The following DMBT1 variants were observed in gnomAD, a reference collection of about 807,000 sequenced individuals.
DMBT1 encodes deleted in malignant brain tumors 1.
In DMBT1, 198 loss-of-function variants were observed where a neutral mutation model predicts 252.9. The ratio of observed to expected loss-of-function variants is 0.78; its 90% CI spans 0.70 to 0.88. DMBT1 has a LOEUF of 0.88. Among genes scored for constraint, DMBT1 ranks in the 40% least tolerant of loss-of-function variants. The pLI is 0.00. For synonymous variants in DMBT1, 990 were observed against 942.7 expected (o/e 1.05, Z -0.92); for missense variants, 2,432 against 2,404.7 (o/e 1.01, Z -0.24).
In DMBT1 at chr10:122,620,125, A is replaced by G. The variant is rs2098048692; in HGVS notation, c.5246-128A>G. 3.2e-5 allele frequency: 31 copies of G among 958,036 alleles called. No homozygotes were observed. In the South Asian group the frequency reaches 3.8e-4, roughly 12 times the overall value. 59.3% of individuals were successfully genotyped at this position (958,036 alleles called of 1,614,324 possible). A position where few individuals can be genotyped will look rare whatever the true frequency, so the allele number is the denominator to read the frequency against. On this transcript the variant is annotated intron_variant, in intron 42 of 55. Transcript: ENST00000338354. Reference sequence around the variant, plus strand: ...TCACTGAGCTGAAGACTTGGGTAGCACTTGGAGCAAGTGGCAGGAACCAGA... The same window carrying G: ...TCACTGAGCTGAAGACTTGGGTAGCGCTTGGAGCAAGTGGCAGGAACCAGA...
chr10:122,592,538 A>G lies in DMBT1; in HGVS notation c.2443A>G (p.Asn815Asp), dbSNP rs747418479. Residue 815 changes from asparagine to aspartate, a missense_variant, in exon 20 of 56, where the codon AAT becomes GAT. By Grantham distance (23) the Asn-to-Asp change is conservative. Around this residue, in one of 3 missense-constraint regions of DMBT1, gnomAD observed 1,264 missense variants for 1,082.2 expected, o/e 1.17. Transcript: ENST00000338354. ...HESYLWSCPH[N>D]GWLSHNCGHH... ...GTCCTACCTGTGGAGCTGCCCCCAC[A>G]ATGGCTGGCTCTCCCACAACTGTGG... 1.5e-5 allele frequency: 24 copies of G among 1,588,182 alleles called. No homozygotes were observed. In the Admixed American group the frequency reaches 3.7e-4, roughly 24 times the overall value.
chr10:122,561,814 A>G (rs1326065336), intron 1 of DMBT1, among the ~76,000 whole-genome samples: 1 of 147,334 alleles, frequency 6.8e-6, no homozygotes, highest in African/African-American at 2.5e-5. Context: ...TCAGGCAGTT[A>G]TTACCTTTCC....
rs747458876 is a variant in DMBT1, at chr10:122,643,375, C to T, written c.7606C>T (p.Arg2536Cys). ...TCCCATCCAGCTGCAGACCCCCCCA[C>T]GCCGAGAAGAGGAGCCTCGGTAGGT... ...LGPIQLQTPP[R>C]REEEPR The change falls in exon 56 of 56, where the codon CGC becomes TGC. Residue 2536 changes from arginine (R) to cysteine (C), a missense_variant. By Grantham distance (180) the Arg-to-Cys change is radical. Around this residue, in one of 3 missense-constraint regions of DMBT1, gnomAD observed 1,162 missense variants for 1,169.0 expected, o/e 0.99. Coordinates refer to ENST00000338354, the MANE Select transcript of DMBT1 (RefSeq NM_001377530.1). 6 of 1,613,544 alleles carry T rather than the reference C, an allele frequency of 3.7e-6. No individual in the cohort carries two copies. Among genetic ancestry groups the T allele is most frequent in the African/African-American group, 2.7e-5 (2 of 74,888 alleles).
intron 46 of DMBT1, among the ~76,000 whole-genome samples, chr10:122,626,311 A>G (rs1443240318): frequency 6.6e-6 from 1 of 152,202 alleles, no homozygotes; most frequent in Non-Finnish European, 1.5e-5. Context: ...TTAAAAAATA[A>G]TAGGGATACT....
In DMBT1 at chr10:122,619,349, G is replaced by A; in HGVS notation, c.5245+12G>A. ...AACGCCCAGGCCAGGTGAGTCCCCA[G>A]CATCCTTCATCGGGATGTCCCTTCT... On this transcript the variant is annotated intron_variant, in intron 42 of 55. Coordinates refer to ENST00000338354, the MANE Select transcript of DMBT1 (RefSeq NM_001377530.1). 6.2e-7 allele frequency: 1 copy of A among 1,613,928 alleles called. No homozygotes were observed. The highest frequency in any genetic ancestry group is 8.5e-7 in the Non-Finnish European group (1 of 1,179,840).
Position 122,631,406 on chromosome 10 carries a change from C to A in DMBT1, c.6346+125C>A, listed in dbSNP as rs1034316496. 5 of 1,237,836 alleles carry A rather than the reference C, an allele frequency of 4.0e-6. No homozygotes were observed. The South Asian group carries it at 5.7e-5, about 14-fold the overall frequency. The allele number at this position is 1,237,836 out of a possible 1,614,324, so 76.7% of individuals were successfully genotyped here. Reference sequence around the variant, plus strand: ...CTGGTCATTGTGTCCTCGTGGCCTGCGCACTCCAGAAGAGCATGCAGGGGG... The same window carrying A: ...CTGGTCATTGTGTCCTCGTGGCCTGAGCACTCCAGAAGAGCATGCAGGGGG... On this transcript the variant is annotated intron_variant, in intron 49 of 55. Transcript: ENST00000338354.
chr10:122,634,356 C>CTTTCTTTCTTTCTTTCTTTCTTTCTT (rs1566001450), intron 52 of DMBT1, among the ~76,000 whole-genome samples: 4 of 98,418 alleles, frequency 4.1e-5, no homozygotes, highest in East Asian at 2.3e-4. Context: ...TTCTTTCTTT[C>CTTTCTTTCTTTCTTTCTTTCTTTCTT]TTTCTTTCTT....
intron 49 of DMBT1, 149 bp from the exon 50 acceptor site, chr10:122,631,706 G>T (rs540871295): frequency 1.4e-4 from 110 of 759,742 alleles, no homozygotes; most frequent in Admixed American, 9.9e-4. Flanking sequence ...AGCTGGGAAG[G>T]CTTCTCAATA....
rs923271753 is a variant in DMBT1 at position 122,576,669 on chromosome 10, G to T, written c.554G>T (p.Gly185Val). The change falls in exon 7 of 56, where the codon GGC (glycine) becomes GTC (valine). Residue 185 changes from glycine to valine, a missense_variant. By Grantham distance (109) the Gly-to-Val change is moderately radical. Coordinates refer to ENST00000338354, the MANE Select transcript of DMBT1 (RefSeq NM_001377530.1). ...ESYLWSCPHN[G>V]WLSHNCGHGE... is the part of the protein sequence containing the mutation. Reference sequence around the variant, plus strand: ...TACCTGTGGAGCTGCCCCCACAATGGCTGGCTCTCCCATAACTGTGGCCAT... The same window carrying T: ...TACCTGTGGAGCTGCCCCCACAATGTCTGGCTCTCCCATAACTGTGGCCAT... The T allele has an allele frequency of 6.2e-7, 1 of 1,613,788 alleles. No individual in the cohort carries two copies.
rs185181731 is a variant in DMBT1, at chr10:122,580,262, C to A, written c.1003+361C>A. Among the ~76,000 whole-genome samples the A allele has an allele frequency of 4.6e-5, 7 of 152,242 alleles. No individual in the cohort carries two copies. In the East Asian group the frequency reaches 5.8e-4, roughly 13 times the overall value. On this transcript the variant is annotated intron_variant, in intron 10 of 55. Coordinates refer to ENST00000338354, the MANE Select transcript of DMBT1 (RefSeq NM_001377530.1). Reference sequence around the variant, plus strand: ...AGGCAGGGGAGGGATCCCCTCACTGCGAGGAACTCTGAACTAAAGATGCTT... The same window carrying A: ...AGGCAGGGGAGGGATCCCCTCACTGAGAGGAACTCTGAACTAAAGATGCTT...
At position 122,570,179 on chromosome 10, in the gene DMBT1, G is replaced by C. The variant is rs140507609; in HGVS notation, c.109G>C (p.Glu37Gln). The change falls in exon 3 of 56, where the codon GAG (glutamate) becomes CAG (glutamine). Residue 37 changes from glutamate (E) to glutamine (Q), a missense_variant. Physicochemically the swap from Glu to Gln is conservative, Grantham distance 29. Coordinates refer to ENST00000338354, the MANE Select transcript of DMBT1 (RefSeq NM_001377530.1). ...CCTCGCAGCTTCACTGATTCCCTCG[G>C]AGGTGCCCTTGGATCCAACTGTAGC... is the stretch of plus-strand genomic sequence containing the variant. ...TTDYASLIPS[E>Q]VPLDPTVAEG... 8 of 1,594,860 alleles carry C rather than the reference G, an allele frequency of 5.0e-6. No individual in the cohort carries two copies. The East Asian group carries it at 1.6e-4, about 31-fold the overall frequency.
chr10:122,637,640 G>T (rs2098237955), intron 54 of DMBT1, among the ~76,000 whole-genome samples: 1 of 152,194 alleles, frequency 6.6e-6, no homozygotes, highest in African/African-American at 2.4e-5. Flanking sequence ...TACAGTTAGG[G>T]TTGGGGGTGA....
chr10:122,586,271 C>A lies in DMBT1; in HGVS notation c.1671C>A (p.Val557=). 1 of 1,588,730 alleles carries A rather than the reference C, an allele frequency of 6.3e-7. No homozygotes were observed. Among genetic ancestry groups the A allele is most frequent in the Non-Finnish European group, 8.6e-7 (1 of 1,165,890 alleles). ...ARFGQGSGPI[V]LDDVRCSGNE... is the part of the protein sequence containing the mutation. ...TTGGTCAGGGCTCAGGACCCATTGT[C>A]CTGGATGACGTGCGCTGCTCAGGGA... The change falls in exon 16 of 56, where the codon GTC becomes GTA. Residue 557 remains valine (V), a synonymous_variant. Transcript: ENST00000338354.
rs1301161488 is a variant in DMBT1, at chr10:122,579,817, G to A, written c.919G>A (p.Glu307Lys). 19 of 1,613,456 alleles carry A rather than the reference G, an allele frequency of 1.2e-5. No homozygotes were observed. The highest frequency in any genetic ancestry group is 1.7e-5 in the Admixed American group (1 of 59,972). Residue 307 changes from glutamate (E) to lysine (K), a missense_variant, in exon 10 of 56, where the codon GAG (glutamate) becomes AAG (lysine). Around this residue, in one of 3 missense-constraint regions of DMBT1, gnomAD observed 1,264 missense variants for 1,082.2 expected, o/e 1.17. Transcript: ENST00000338354. Reference sequence around the variant, plus strand: ...GGATGATGTGCGCTGCTCAGGACATGAGTCCTACCTGTGGAGCTGCCCCCA... The same window carrying A: ...GGATGATGTGCGCTGCTCAGGACATAAGTCCTACCTGTGGAGCTGCCCCCA... ...VLDDVRCSGH[E>K]SYLWSCPHNG...
chr10:122,570,887 C>A lies in DMBT1; in HGVS notation c.140-3C>A, dbSNP rs1225251152. 1 of 1,613,290 alleles carries A rather than the reference C, an allele frequency of 6.2e-7. No homozygotes were observed. The highest frequency in any genetic ancestry group is 8.5e-7 in the Non-Finnish European group (1 of 1,179,248). Reference sequence around the variant, plus strand: ...ATGAGCTCTTCCTTTCTCCACCCTGCAGGTTCTCCATTTCCCTCGGAGTCG... The same window carrying A: ...ATGAGCTCTTCCTTTCTCCACCCTGAAGGTTCTCCATTTCCCTCGGAGTCG... On this transcript the variant is annotated splice_region_variant and splice_polypyrimidine_tract_variant and intron_variant, in intron 3 of 55. Coordinates refer to ENST00000338354, the MANE Select transcript of DMBT1 (RefSeq NM_001377530.1).
chr10:122,618,495 T>C (rs1293185701), intron 41 of DMBT1, among the ~76,000 whole-genome samples, 155 bp downstream of exon 41: 1 of 152,236 alleles, frequency 6.6e-6, no homozygotes, highest in Non-Finnish European at 1.5e-5. Context: ...TTTATGAATT[T>C]TGCTACAGTA....
intron 43 of DMBT1, 99 bp downstream of exon 43, chr10:122,620,390 T>A: frequency 7.0e-7 from 1 of 1,435,796 alleles, no homozygotes; most frequent in Non-Finnish European, 9.7e-7. Flanking sequence ...GGCGCCTCTG[T>A]TTTTCATGTT....
chr10:122,600,048 C>T lies in DMBT1; in HGVS notation c.3281-16C>T, dbSNP rs765530499. The T allele has an allele frequency of 8.1e-6, 13 of 1,607,958 alleles. 2 individuals carry two copies. In the Admixed American group the frequency reaches 1.7e-4, roughly 21 times the overall value. On this transcript the variant is annotated splice_polypyrimidine_tract_variant and intron_variant, in intron 26 of 55. Transcript: ENST00000338354. ...TGTAATGTTCCTGATCTGACCTTCT[C>T]TTCTCTTTCTCACAGCTTCCCAGTC...
At chr10:122,565,913 T>C (rs377449956) in intron 1 of DMBT1, 54 bp from the exon 2 acceptor site, 4 of 1,590,628 alleles carry the variant, frequency 2.5e-6, no homozygotes, top group Non-Finnish European at 3.4e-6. Context: ...TTCTGTGACT[T>C]GTAGGAAATC....
Sources: gnomAD v4.1 joint callset for allele counts (sites outside exome capture counted in the v4.1 genomes callset) on GRCh38, gnomAD v4.1.1 for gene constraint, gnomAD v4.1.1 regional missense constraint, MANE v1.5 for transcripts, NCBI Gene and HGNC (gene_info 2026-07-23, HGNC 2026-07-21) for gene names.